Variants in SCN2A observed in about 807,000 individuals in gnomAD.
The protein encoded by SCN2A is sodium voltage-gated channel alpha subunit 2.
A neutral mutation model predicts 188.7 loss-of-function variants in SCN2A; 20 were observed. That is an observed-to-expected ratio of 0.11 (90% CI 0.07 to 0.15). The LOEUF is 0.15. Ranked by LOEUF, SCN2A falls within the 10% of genes least tolerant of loss-of-function variation. The pLI, the probability that SCN2A is intolerant of heterozygous loss-of-function variation, is 1.00. For missense variants in SCN2A, 1,278 were observed against 2,445.0 expected (o/e 0.52, Z 10.07); for synonymous variants, 804 against 833.1 (o/e 0.97, Z 0.60).
chr2:165,279,225 C>T (rs894909085), intron 1 of SCN2A, among the ~76,000 whole-genome samples: 3 of 152,284 alleles, frequency 2.0e-5, no homozygotes, highest in South Asian at 2.1e-4. Flanking sequence ...GGGGAGTTAG[C>T]TTCCATCTCA....
chr2:165,314,227 C>A, intron 10 of SCN2A, 119 bp downstream of exon 10: 1 of 982,462 alleles, frequency 1.0e-6, no homozygotes, highest in Non-Finnish European at 1.5e-6. Flanking sequence ...TTGGTAAGTG[C>A]TAGGAGCCTG....
intron 1 of SCN2A, chr2:165,240,118 G>T (rs1234061743): frequency 6.6e-6 from 1 of 152,064 alleles, no homozygotes; most frequent in Non-Finnish European, 1.5e-5. Context: ...GGTACAGATT[G>T]TTTATGTCTT....
chr2:165,311,229 C>G (rs1697408222), intron 7 of SCN2A, among the ~76,000 whole-genome samples: 1 of 151,970 alleles, frequency 6.6e-6, no homozygotes, highest in Non-Finnish European at 1.5e-5. Flanking sequence ...AGCATGATTT[C>G]TTAACATTGA....
chr2:165,278,560 T>C (rs1695445369), intron 1 of SCN2A, among the ~76,000 whole-genome samples: 1 of 152,134 alleles, frequency 6.6e-6, no homozygotes, highest in Non-Finnish European at 1.5e-5. Context: ...ACTCGGGGAT[T>C]ATGGAGATTA....
intron 8 of SCN2A, among the ~76,000 whole-genome samples, chr2:165,312,417 C>T (rs1697487156): frequency 1.3e-5 from 2 of 152,010 alleles, no homozygotes; most frequent in Admixed American, 6.6e-5. Flanking sequence ...TTTATATATA[C>T]TAATGTGTTC....
intron 16 of SCN2A, among the ~76,000 whole-genome samples, chr2:165,346,653 A>G (rs1699603498): frequency 6.6e-6 from 1 of 152,226 alleles, no homozygotes; most frequent in African/African-American, 2.4e-5. Context: ...AGAAACTATC[A>G]TCAGAGTGAA....
At chr2:165,265,382 T>C (rs1271222709) in intron 1 of SCN2A, among the ~76,000 whole-genome samples, 2 of 142,994 alleles carry the variant, frequency 1.4e-5, no homozygotes, top group Non-Finnish European at 3.1e-5. Flanking sequence ...TTTAAGTTCC[T>C]TATAGATGCT....
At chr2:165,340,742 G>A (rs1222546445) in intron 14 of SCN2A, among the ~76,000 whole-genome samples, 1 of 152,192 alleles carries the variant, frequency 6.6e-6, no homozygotes, top group African/African-American at 2.4e-5. Flanking sequence ...AGAAAATCAG[G>A]TGAGTAGCAT....
rs1574571828 is a variant in SCN2A, at chr2:165,315,480, G to A, written c.1393G>A (p.Ala465Thr). 1.2e-6 allele frequency: 2 copies of A among 1,613,870 alleles called. No homozygotes were observed. Among genetic ancestry groups the A allele is most frequent in the East Asian group, 2.2e-5 (1 of 44,874 alleles). The part of the protein sequence containing the change: ...KQQEEAQAAA[A>T]AASAESRDFS... ...CTTTGCGCCCTTCTAGGCGGCAGCT[G>A]CAGCCGCATCTGCTGAATCAAGAGA... Residue 465 changes from alanine to threonine, a missense_variant, in exon 11 of 27, where the codon GCA (alanine) becomes ACA (threonine). Ala to Thr is a moderately conservative substitution (Grantham distance 58). Around this residue, in one of 17 missense-constraint regions of SCN2A, gnomAD observed 315 missense variants for 386.6 expected, o/e 0.81. Transcript: ENST00000375437.
chr2:165,265,515 A>ATATATATATT (rs1188795670), intron 1 of SCN2A, among the ~76,000 whole-genome samples: 24 of 115,448 alleles, frequency 2.1e-4, no homozygotes, highest in East Asian at 1.1e-3. Flanking sequence ...ATATATATAT[A>ATATATATATT]TTGCTGTGCA....
intron 16 of SCN2A, among the ~76,000 whole-genome samples, chr2:165,346,012 T>C (rs1048203041): frequency 2.0e-5 from 3 of 152,206 alleles, no homozygotes; most frequent in African/African-American, 7.2e-5. Flanking sequence ...AAAATTCTTT[T>C]CTTTAATAAT....
intron 17 of SCN2A, among the ~76,000 whole-genome samples, chr2:165,363,457 T>C (rs1298853644): frequency 6.6e-6 from 1 of 152,188 alleles, no homozygotes; most frequent in East Asian, 1.9e-4. Context: ...CCTGTGTTAT[T>C]TTCCAACATG....
Position 165,323,406 on chromosome 2 carries a change from A to G in SCN2A, c.1922A>G (p.Asn641Ser), listed in dbSNP as rs1436266822. The change falls in exon 12 of 27, where the codon AAT (asparagine) becomes AGT (serine). Residue 641 changes from asparagine to serine, a missense_variant. Around this residue, in one of 17 missense-constraint regions of SCN2A, gnomAD observed 315 missense variants for 386.6 expected, o/e 0.81. Transcript: ENST00000375437. ...ASRVLPILPM[N>S]GKMHSAVDCN... ...AGGGTGCTCCCCATCCTGCCCATGA[A>G]TGGGAAGATGCATAGCGCTGTGGAC... 1 of 1,614,106 alleles carries G rather than the reference A, an allele frequency of 6.2e-7. No homozygotes were observed. The highest frequency in any genetic ancestry group is 2.2e-5 in the East Asian group (1 of 44,864).
chr2:165,255,182 A>G (rs1265832679), intron 1 of SCN2A, among the ~76,000 whole-genome samples: 1 of 150,644 alleles, frequency 6.6e-6, no homozygotes, highest in Non-Finnish European at 1.5e-5. Flanking sequence ...CTTTTCTTAT[A>G]TTTTTCTTGA....
chr2:165,262,769 A>G (rs899770529), intron 1 of SCN2A, among the ~76,000 whole-genome samples: 11 of 152,190 alleles, frequency 7.2e-5, no homozygotes, highest in Non-Finnish European at 1.2e-4. Context: ...GATACTCAGT[A>G]GTGGAATTGC....
At chr2:165,388,528 ACTGT>A in intron 26 of SCN2A, 97 bp from the exon 27 acceptor site, 2 of 1,498,980 alleles carry the variant, frequency 1.3e-6, no homozygotes, top group Non-Finnish European at 1.8e-6. Context: ...CATGTACCTA[ACTGT>A]CCTGTTCACA....
At position 165,377,629 on chromosome 2, in the gene SCN2A, T is replaced by C. The variant is rs150209984; in HGVS notation, c.4287T>C (p.Tyr1429=). Residue 1429 remains tyrosine, a synonymous_variant, in exon 23 of 27, where the codon TAT becomes TAC. Coordinates refer to ENST00000375437, the MANE Select transcript of SCN2A (RefSeq NM_001040142.2). ...ATFKGWMDIM[Y]AAVDSRNVEL... ...TTAAGGGATGGATGGATATTATGTA[T>C]GCAGCTGTTGATTCACGAAATGTAA... The C allele has an allele frequency of 2.6e-4, 419 of 1,607,660 alleles. No homozygotes were observed. The highest frequency in any genetic ancestry group is 3.3e-4 in the Non-Finnish European group (385 of 1,176,248).
At chr2:165,303,281 T>TTTTTTTTG (rs1696927796) in intron 3 of SCN2A, among the ~76,000 whole-genome samples, 1 of 141,632 alleles carries the variant, frequency 7.1e-6, no homozygotes, top group Non-Finnish European at 1.5e-5. Flanking sequence ...TTTTTTTTTT[T>TTTTTTTTG]TTTTTTTTTT....
chr2:165,274,943 G>T (rs541399833), intron 1 of SCN2A, among the ~76,000 whole-genome samples: 5 of 152,242 alleles, frequency 3.3e-5, no homozygotes, highest in Admixed American at 6.5e-5. Flanking sequence ...TATGATTGTT[G>T]CTTCTCCGGG....
Sources: allele counts gnomAD v4.1 joint callset (sites outside exome capture counted in the v4.1 genomes callset), GRCh38; gene constraint gnomAD v4.1.1; regional missense constraint gnomAD v4.1.1; transcripts MANE v1.5; gene names NCBI Gene and HGNC (gene_info 2026-07-23, HGNC 2026-07-21).